LRBA: variants seen among roughly 807,000 people sequenced by gnomAD.
LRBA encodes the protein LPS responsive beige-like anchor protein.
A neutral mutation model predicts 330.0 loss-of-function variants in LRBA; 176 were observed. The observed-to-expected ratio is 0.53, with a 90% confidence interval of 0.47 to 0.60. The LOEUF (loss-of-function observed/expected upper bound fraction) is 0.60. LRBA is among the 20% of genes least tolerant of loss of function. LRBA has a pLI of 0.00. For missense variants in LRBA, 3,259 were observed against 3,444.8 expected, an observed-to-expected ratio of 0.95 and a Z score of 1.35; for synonymous variants, 1,230 against 1,193.0, an observed-to-expected ratio of 1.03 and a Z score of -0.64.
intron 16 of LRBA, among the ~76,000 whole-genome samples, chr4:150,895,881 C>G (rs967275802): frequency 2.6e-5 from 4 of 152,194 alleles, no homozygotes; most frequent in African/African-American, 9.7e-5. Flanking sequence ...AATGGTTGAA[C>G]TACTTTACAG....
chr4:150,436,622 C>A, intron 45 of LRBA, 102 bp downstream of exon 45: 2 of 902,818 alleles, frequency 2.2e-6, no homozygotes, highest in Non-Finnish European at 3.3e-6. Context: ...TAAACTGACT[C>A]TTTTAGTATT....
chr4:150,784,145 G>A (rs960010030), intron 34 of LRBA, among the ~76,000 whole-genome samples: 1 of 152,126 alleles, frequency 6.6e-6, no homozygotes, highest in Non-Finnish European at 1.5e-5. Context: ...GATTTGATAC[G>A]TGCATAAATT....
chr4:150,773,323 T>C (rs1205054169), intron 34 of LRBA, among the ~76,000 whole-genome samples: 2 of 152,252 alleles, frequency 1.3e-5, no homozygotes, highest in African/African-American at 2.4e-5. Flanking sequence ...CTAGCCTTGC[T>C]AGCTGAAAGA....
chr4:150,293,841 C>T (rs576446031), intron 53 of LRBA, among the ~76,000 whole-genome samples: 13 of 152,152 alleles, frequency 8.5e-5, no homozygotes, highest in Non-Finnish European at 1.8e-4. Flanking sequence ...GTGAAGACAA[C>T]GAGGATGAAG....
intron 37 of LRBA, among the ~76,000 whole-genome samples, chr4:150,682,723 T>C (rs1418143819): frequency 6.6e-6 from 1 of 152,138 alleles, no homozygotes; most frequent in African/African-American, 2.4e-5. Context: ...TACACTCTTA[T>C]ATAATATACA....
At position 150,267,247 on chromosome 4, in the gene LRBA, G is replaced by A. The variant is rs117635695; in HGVS notation, c.8469-1435C>T. Among the ~76,000 whole-genome samples the A allele has an allele frequency of 5.8e-4, 88 of 152,136 alleles. 3 individuals are homozygous for A. The East Asian group carries it at 0.016, about 28-fold the overall frequency. On this transcript the variant is annotated intron_variant, in intron 56 of 56. Coordinates refer to ENST00000651943, the MANE Select transcript of LRBA (RefSeq NM_001364905.1). ...ACAACAATAGAATATACATTTTTTT[G>A]CAGTGCGCATGGAATAGTCTCCAAG...
At position 150,810,590 on chromosome 4, in the gene LRBA, C is replaced by T. The variant is rs144070012; in HGVS notation, c.5306-2192G>A. Among the ~76,000 whole-genome samples, 435 of 152,160 alleles carry T rather than the reference C, an allele frequency of 2.9e-3. 3 individuals carry two copies. Among genetic ancestry groups the T allele is most frequent in the Non-Finnish European group, 2.2e-3 (150 of 67,976 alleles). Reference sequence around the variant, plus strand: ...AAGCTAAAGCACACACTTCATCATGCTGACAATTATTTTTTATTTTTCTTT... The same window carrying T: ...AAGCTAAAGCACACACTTCATCATGTTGACAATTATTTTTTATTTTTCTTT... On this transcript the variant is annotated intron_variant, in intron 31 of 56. Transcript: ENST00000651943.
intron 28 of LRBA, chr4:150,840,433 A>C (rs1165075162): frequency 6.6e-6 from 1 of 152,152 alleles, no homozygotes; most frequent in Non-Finnish European, 1.5e-5. Flanking sequence ...CTTAGAGGCC[A>C]CTGTAGGGCT....
intron 48 of LRBA, among the ~76,000 whole-genome samples, chr4:150,339,046 C>T (rs1042827664): frequency 2.0e-5 from 3 of 151,926 alleles, no homozygotes; most frequent in Non-Finnish European, 2.9e-5. Context: ...CAAAAGCCTT[C>T]TTGCTTTTAG....
intron 40 of LRBA, among the ~76,000 whole-genome samples, chr4:150,492,668 C>A (rs1240155618): frequency 6.6e-6 from 1 of 152,104 alleles, no homozygotes; most frequent in Non-Finnish European, 1.5e-5. Context: ...TTAATAGTAT[C>A]CAGTGACTTC....
At chr4:150,655,348 G>C (rs1435662931) in intron 37 of LRBA, among the ~76,000 whole-genome samples, 1 of 152,146 alleles carries the variant, frequency 6.6e-6, no homozygotes, top group Non-Finnish European at 1.5e-5. Flanking sequence ...ATGTAAAACA[G>C]ATTATTCAGC....
At chr4:150,880,475 G>A (rs1243208359) in intron 17 of LRBA, among the ~76,000 whole-genome samples, 4 of 150,440 alleles carry the variant, frequency 2.7e-5, no homozygotes, top group Middle Eastern at 6.5e-3. Context: ...AGCTGTGATC[G>A]TGCCACTGCA....
intron 47 of LRBA, among the ~76,000 whole-genome samples, chr4:150,385,052 T>C (rs998483203): frequency 7.2e-5 from 11 of 152,112 alleles, no homozygotes; most frequent in African/African-American, 2.7e-4. Context: ...ACTTGAAAAA[T>C]GAACAGCCAA....
chr4:150,320,751 G>A (rs375174776), intron 50 of LRBA, among the ~76,000 whole-genome samples: 3 of 152,100 alleles, frequency 2.0e-5, no homozygotes, highest in Non-Finnish European at 4.4e-5. Flanking sequence ...AGGCTACAGC[G>A]AGCTATGATC....
intron 20 of LRBA, among the ~76,000 whole-genome samples, chr4:150,869,756 T>C (rs1753199467): frequency 6.6e-6 from 1 of 151,958 alleles, no homozygotes; most frequent in African/African-American, 2.4e-5. Context: ...AAAATTCTTT[T>C]AAAAATATGC....
intron 40 of LRBA, among the ~76,000 whole-genome samples, chr4:150,497,513 CAT>C (rs1038612168): frequency 1.3e-5 from 2 of 152,086 alleles, no homozygotes; most frequent in African/African-American, 2.4e-5. Context: ...TTAAATTAAT[CAT>C]GTGTTGTTAT....
In LRBA at chr4:150,802,350, G is replaced by GT. The variant is rs981953617; in HGVS notation, c.5518+3920dup. Among the ~76,000 whole-genome samples the GT allele has an allele frequency of 9.9e-3, 1,426 of 144,458 alleles. 12 individuals carry two copies. Among genetic ancestry groups the GT allele is most frequent in the African/African-American group, 0.017 (693 of 39,986 alleles). 94.8% of individuals were successfully genotyped at this position (144,458 alleles called of 152,430 possible). The stretch of plus-strand genomic sequence containing the variant: ...CCAAGTGCAATTCTAGCATTCGTGG[G>GT]TTTTTTTTTTTTAATTTTAGTCCAC... On this transcript the variant is annotated intron_variant, in intron 33 of 56. Transcript: ENST00000651943.
chr4:150,405,733 TG>T (rs1406944488), intron 47 of LRBA, among the ~76,000 whole-genome samples: 1 of 152,104 alleles, frequency 6.6e-6, no homozygotes, highest in African/African-American at 2.4e-5. Flanking sequence ...GGAATTAAGT[TG>T]GTAATAACCT....
intron 44 of LRBA, among the ~76,000 whole-genome samples, chr4:150,466,537 T>C (rs185340869): frequency 1.3e-5 from 2 of 152,156 alleles, no homozygotes; most frequent in East Asian, 3.9e-4. Context: ...AAAAAGTTAG[T>C]ACTAACAGCA....
Sources: gnomAD v4.1 joint callset for allele counts (sites outside exome capture counted in the v4.1 genomes callset) on GRCh38, gnomAD v4.1.1 for gene constraint, MANE v1.5 for transcripts, NCBI Gene and HGNC (gene_info 2026-07-23, HGNC 2026-07-21) for gene names.